The following NDC1 variants were observed in gnomAD, a reference collection of about 807,000 sequenced individuals.
The protein encoded by NDC1 is NDC1 transmembrane nucleoporin, also known as nucleoporin NDC1.
Under a neutral mutation model 89.8 loss-of-function variants are expected in NDC1, and 24 were observed. The ratio of observed to expected loss-of-function variants is 0.27; its 90% CI spans 0.19 to 0.38. The LOEUF is 0.38. NDC1 is among the 10% of genes least tolerant of loss of function. The pLI is 1.00. For missense variants in NDC1, 728 were observed against 797.6 expected, an observed-to-expected ratio of 0.91 and a Z score of 1.05; for synonymous variants, 296 against 284.8, an observed-to-expected ratio of 1.04 and a Z score of -0.39.
chr1:53,811,538 G>T (rs1648305231), intron 6 of NDC1, among the ~76,000 whole-genome samples: 1 of 152,092 alleles, frequency 6.6e-6, no homozygotes, highest in African/African-American at 2.4e-5. Context: ...AGCAGAGGCA[G>T]CCATAATCCT....
chr1:53,797,332 G>C (rs370951462), intron 11 of NDC1, among the ~76,000 whole-genome samples, 188 bp from the exon 12 acceptor site: 16 of 152,082 alleles, frequency 1.1e-4, no homozygotes, highest in Non-Finnish European at 2.4e-4. Flanking sequence ...CACTCAAAGA[G>C]CTTTATACAT....
Position 53,779,123 on chromosome 1 carries a change from A to T in NDC1, c.1801-6634T>A, listed in dbSNP as rs1335919389. Reference sequence around the variant, plus strand: ...TGATAAAGCAAGACTCTGTCGCAAAAAAAAAAAAAAAAAAAAAAAATTGTC... The same window carrying T: ...TGATAAAGCAAGACTCTGTCGCAAATAAAAAAAAAAAAAAAAAAAATTGTC... On this transcript the variant is annotated intron_variant, in intron 16 of 17. Coordinates refer to ENST00000371429, the MANE Select transcript of NDC1 (RefSeq NM_018087.5). 4.0e-5 allele frequency among the ~76,000 whole-genome samples: 6 copies of T among 150,544 alleles called. No individual in the cohort carries two copies. In the East Asian group the frequency reaches 1.2e-3, roughly 29 times the overall value.
chr1:53,789,283 CAA>C (rs1647407908), intron 14 of NDC1, 87 bp from the exon 15 acceptor site: 2 of 730,714 alleles, frequency 2.7e-6, no homozygotes, highest in Admixed American at 5.5e-5. Context: ...GACCACAAAA[CAA>C]AAAATTCACA....
At chr1:53,826,680 A>C (rs1456512314) in intron 4 of NDC1, among the ~76,000 whole-genome samples, 1 of 152,188 alleles carries the variant, frequency 6.6e-6, no homozygotes, top group East Asian at 1.9e-4. Context: ...TTTCTTGAGA[A>C]TCTCTATGAT....
At chr1:53,827,853 A>C in intron 4 of NDC1, 146 bp downstream of exon 4, 1 of 562,980 alleles carries the variant, frequency 1.8e-6, no homozygotes. Flanking sequence ...CAATAAACAC[A>C]AAATATTAAA....
intron 6 of NDC1, among the ~76,000 whole-genome samples, chr1:53,816,914 G>A (rs1012237688): frequency 5.3e-5 from 8 of 152,056 alleles, no homozygotes; most frequent in Non-Finnish European, 1.2e-4. Context: ...TAATGATCAG[G>A]GAAATGCAAA....
Position 53,796,753 on chromosome 1 carries a change from G to A in NDC1, c.1520C>T (p.Ala507Val), listed in dbSNP as rs753456285. The change falls in exon 13 of 18, where the codon GCT (alanine) becomes GTT (valine). Residue 507 changes from alanine to valine, a missense_variant. Ala to Val is a moderately conservative substitution (Grantham distance 64). Coordinates refer to ENST00000371429, the MANE Select transcript of NDC1 (RefSeq NM_018087.5). ...GGGTTGTCTCATTGTCTTACCCTCA[G>A]CACTAATAGAGGTAGATGGAGAAGG... Reference protein sequence around the residue: ...SNPSPSTSISAEGKTMRQPSV... With the variant: ...SNPSPSTSISVEGKTMRQPSV... 6 of 1,611,628 alleles carry A rather than the reference G, an allele frequency of 3.7e-6. No individual in the cohort carries two copies. The South Asian group carries it at 4.4e-5, about 12-fold the overall frequency.
At chr1:53,827,517 T>C (rs914937965) in intron 4 of NDC1, among the ~76,000 whole-genome samples, 2 of 152,222 alleles carry the variant, frequency 1.3e-5, no homozygotes, top group Admixed American at 1.3e-4. Flanking sequence ...TCAAGAACTA[T>C]ACAAGTTTCA....
At chr1:53,833,617 C>T (rs1417625013) in intron 2 of NDC1, among the ~76,000 whole-genome samples, 5 of 151,868 alleles carry the variant, frequency 3.3e-5, no homozygotes, top group East Asian at 1.9e-4. Flanking sequence ...ATCATCTAAA[C>T]GAGCGGAACT....
chr1:53,827,553 G>C (rs568742476), intron 4 of NDC1, among the ~76,000 whole-genome samples: 1 of 152,288 alleles, frequency 6.6e-6, no homozygotes, highest in South Asian at 2.1e-4. Context: ...TCTATAAAAA[G>C]GCAGTTATAA....
intron 17 of NDC1, 133 bp downstream of exon 17, chr1:53,772,196 G>C (rs930639387): frequency 3.5e-5 from 27 of 767,870 alleles, no homozygotes; most frequent in Non-Finnish European, 4.9e-5. Flanking sequence ...CATCCAAGCT[G>C]TAAGTTTACA....
chr1:53,822,388 T>C (rs775632333), intron 5 of NDC1, among the ~76,000 whole-genome samples: 1 of 152,124 alleles, frequency 6.6e-6, no homozygotes, highest in Non-Finnish European at 1.5e-5. Flanking sequence ...TACTGAATAA[T>C]ATATATAAGA....
At chr1:53,820,737 G>T (rs184240433) in intron 5 of NDC1, among the ~76,000 whole-genome samples, 1 of 119,212 alleles carries the variant, frequency 8.4e-6, no homozygotes, top group Non-Finnish European at 1.6e-5. Context: ...GGAGATAAGA[G>T]TCTTGCTCTG....
intron 1 of NDC1, among the ~76,000 whole-genome samples, chr1:53,835,859 G>A (rs1329237032): frequency 6.6e-6 from 1 of 152,140 alleles, no homozygotes; most frequent in Non-Finnish European, 1.5e-5. Context: ...ATGAGGGGTG[G>A]TGGGCATTGA....
At position 53,817,980 on chromosome 1, in the gene NDC1, CT is replaced by C. The variant is rs1390869555; in HGVS notation, c.703+990del. ...TGTTAATAAATTCCACAAGTTTCCC[CT>C]ACCAACAAAATATTTACATTGTATT... On this transcript the variant is annotated intron_variant, in intron 6 of 17. Coordinates refer to ENST00000371429, the MANE Select transcript of NDC1 (RefSeq NM_018087.5). Among the ~76,000 whole-genome samples, 15 of 152,030 alleles carry C rather than the reference CT, an allele frequency of 9.9e-5. 1 individual carries two copies. The South Asian group carries it at 1.0e-3, about 11-fold the overall frequency.
At position 53,796,788 on chromosome 1, in the gene NDC1, T is replaced by G. The variant is rs746751505; in HGVS notation, c.1485A>C (p.Glu495Asp). Residue 495 changes from glutamate (E) to aspartate (D), a missense_variant, in exon 13 of 18, where the codon GAA (glutamate) becomes GAC (aspartate). Physicochemically the swap from Glu to Asp is conservative, Grantham distance 45 (BLOSUM62 2). Coordinates refer to ENST00000371429, the MANE Select transcript of NDC1 (RefSeq NM_018087.5). ...AGGTAGATGGAGAAGGATTAGAAAA[T>G]TCAGTCATTTGCTGATCTATTTTTA... is the stretch of plus-strand genomic sequence containing the variant. ...WTSASDQQMT[E>D]FSNPSPSTSI... 2.0e-5 allele frequency: 32 copies of G among 1,610,034 alleles called. No individual in the cohort carries two copies. Among genetic ancestry groups the G allele is most frequent in the African/African-American group, 2.7e-5 (2 of 74,594 alleles).
intron 13 of NDC1, 91 bp downstream of exon 13, chr1:53,796,598 A>T: frequency 1.5e-6 from 1 of 653,674 alleles, no homozygotes; most frequent in Non-Finnish European, 2.4e-6. Context: ...AAAAAAAAAA[A>T]GCTTCTTATT....
At chr1:53,820,770 G>A (rs1648645622) in intron 5 of NDC1, among the ~76,000 whole-genome samples, 1 of 144,372 alleles carries the variant, frequency 6.9e-6, no homozygotes, top group Admixed American at 7.1e-5. Flanking sequence ...AAGTGAAGTG[G>A]TGCCATCTCA....
intron 2 of NDC1, among the ~76,000 whole-genome samples, chr1:53,834,610 T>C (rs1190145582): frequency 1.3e-5 from 2 of 152,284 alleles, no homozygotes; most frequent in African/African-American, 4.8e-5. Context: ...TGGGTGTCTC[T>C]GCATGGATTA....
Sources: gnomAD v4.1 joint callset for allele counts (sites outside exome capture counted in the v4.1 genomes callset) on GRCh38, gnomAD v4.1.1 for gene constraint, MANE v1.5 for transcripts, NCBI Gene and HGNC (gene_info 2026-07-23, HGNC 2026-07-21) for gene names.